YES1: variants seen among roughly 807,000 people sequenced by gnomAD.
YES1 encodes YES proto-oncogene 1, Src family tyrosine kinase.
In YES1, 39 loss-of-function variants were observed where a neutral mutation model predicts 70.4. That is an observed-to-expected ratio of 0.55 (90% confidence interval 0.43 to 0.72). The LOEUF is 0.72. YES1 is among the 30% of genes least tolerant of loss of function. The pLI, the probability that YES1 is intolerant of heterozygous loss-of-function variation, is 0.00. For missense variants in YES1, 495 were observed against 644.8 expected (o/e 0.77, Z 2.52); for synonymous variants, 198 against 218.6 (o/e 0.91, Z 0.83).
chr18:766,937 A>G (rs1008243653), intron 1 of YES1, among the ~76,000 whole-genome samples: 3 of 152,206 alleles, frequency 2.0e-5, no homozygotes, highest in South Asian at 2.1e-4. Context: ...TTGCATTTCC[A>G]TAACAGTATC....
At chr18:738,904 A>G (rs929570756) in intron 9 of YES1, 1 of 151,290 alleles carries the variant, frequency 6.6e-6, no homozygotes, top group East Asian at 2.0e-4. Context: ...GCTCACTCCA[A>G]CCTCCGCCTC....
intron 8 of YES1, among the ~76,000 whole-genome samples, 155 bp from the exon 9 acceptor site, chr18:739,966 G>C (rs7343014): frequency 1.3e-5 from 2 of 151,898 alleles, no homozygotes. Context: ...TAATTATCTA[G>C]GTCCTAGAAG....
At chr18:752,392 G>A (rs1295558680) in intron 2 of YES1, among the ~76,000 whole-genome samples, 3 of 152,118 alleles carry the variant, frequency 2.0e-5, no homozygotes, top group Admixed American at 2.0e-4. Context: ...TTACAGACGT[G>A]AGCCACTGTG....
chr18:800,519 A>C (rs1002610623), intron 1 of YES1, among the ~76,000 whole-genome samples: 3 of 152,254 alleles, frequency 2.0e-5, no homozygotes, highest in Non-Finnish European at 4.4e-5. Context: ...TGCTACAAAA[A>C]TTAAGCTAGT....
At chr18:764,959 C>T (rs1042380795) in intron 1 of YES1, among the ~76,000 whole-genome samples, 1 of 151,830 alleles carries the variant, frequency 6.6e-6, no homozygotes. Context: ...TAGTCTCAAA[C>T]TCCTGACCTT....
chr18:724,776 A>C (rs2079998467), intron 11 of YES1, 144 bp from the exon 12 acceptor site: 1 of 639,578 alleles, frequency 1.6e-6, no homozygotes, highest in Non-Finnish European at 2.6e-6. Context: ...TAAATTTTAA[A>C]CATGAGAATA....
chr18:739,259 C>CA (rs2145696797), intron 9 of YES1: 1 of 152,394 alleles, frequency 6.6e-6, no homozygotes, highest in East Asian at 1.9e-4. Flanking sequence ...TTTGATACTT[C>CA]ATTAATCTGT....
intron 1 of YES1, among the ~76,000 whole-genome samples, chr18:775,600 C>G (rs1056133990): frequency 2.6e-5 from 4 of 152,078 alleles, no homozygotes; most frequent in African/African-American, 9.7e-5. Flanking sequence ...AGTTTGAGAC[C>G]ACCCTGAGCA....
At chr18:772,475 C>T (rs1905203473) in intron 1 of YES1, among the ~76,000 whole-genome samples, 1 of 151,890 alleles carries the variant, frequency 6.6e-6, no homozygotes, top group African/African-American at 2.4e-5. Context: ...TCTTGTCACC[C>T]AGGCTAGAGT....
chr18:756,486 C>A, intron 2 of YES1, 71 bp downstream of exon 2: 1 of 1,537,236 alleles, frequency 6.5e-7, no homozygotes, highest in South Asian at 1.2e-5. Context: ...TAAAGGCAGA[C>A]AAGCCTTAAG....
chr18:775,134 C>A (rs1224432537), intron 1 of YES1: 2 of 152,000 alleles, frequency 1.3e-5, no homozygotes, highest in Admixed American at 1.3e-4. Context: ...AAAAGTAAAC[C>A]TCATAGAGTT....
intron 1 of YES1, among the ~76,000 whole-genome samples, chr18:807,482 G>C (rs578164099): frequency 4.3e-4 from 65 of 152,334 alleles, no homozygotes; most frequent in African/African-American, 1.5e-3. Flanking sequence ...CTGGGCAACA[G>C]AGCAAGATCC....
At position 743,292 on chromosome 18, in the gene YES1, A is replaced by C; in HGVS notation, c.848T>G (p.Leu283Arg). ...PRESLRLEVK[L>R]GQGCFGEVWM... The stretch of plus-strand genomic sequence containing the variant: ...CACTTCGCCGAAACATCCTTGTCCT[A>C]GTTTAACCTCTAGTCGCAAAGATTC... Residue 283 changes from leucine to arginine, a missense_variant, in exon 7 of 12, where the codon CTA becomes CGA. Physicochemically the swap from Leu to Arg is moderately radical, Grantham distance 102. Transcript: ENST00000314574. 6.2e-7 allele frequency: 1 copy of C among 1,612,208 alleles called. No individual in the cohort carries two copies. The highest frequency in any genetic ancestry group is 8.5e-7 in the Non-Finnish European group (1 of 1,179,978).
chr18:733,474 C>T (rs9635864), intron 10 of YES1, among the ~76,000 whole-genome samples: 18,181 of 152,090 alleles, frequency 0.12, 1,223 homozygotes, highest in East Asian at 0.27. Flanking sequence ...ATGCTAATCA[C>T]TATGGAAACC....
intron 3 of YES1, among the ~76,000 whole-genome samples, chr18:750,880 G>C: frequency 6.6e-6 from 1 of 152,174 alleles, no homozygotes; most frequent in East Asian, 1.9e-4. Flanking sequence ...AAGCATGAGA[G>C]TATAAGAAAC....
intron 6 of YES1, among the ~76,000 whole-genome samples, chr18:744,363 A>T (rs2080252538): frequency 6.6e-6 from 1 of 151,088 alleles, no homozygotes; most frequent in Admixed American, 6.7e-5. Context: ...TCAAGGAAAA[A>T]GTTCATTTAG....
In YES1 at chr18:732,847, T is replaced by A. The variant is rs1266843175; in HGVS notation, c.1410A>T (p.Arg470=). 2 of 1,614,220 alleles carry A rather than the reference T, an allele frequency of 1.2e-6. No individual in the cohort carries two copies. The highest frequency in any genetic ancestry group is 4.5e-5 in the East Asian group (2 of 44,888). The part of the protein sequence containing the change: ...ILQTELVTKG[R]VPYPGMVNRE... ...ATGCAAGCTTACCTGGATATGGCAC[T>A]CGGCCCTTTGTTACTAGTTCTGTTT... The change falls in exon 11 of 12, where the codon CGA becomes CGT. Residue 470 remains arginine (R), a synonymous_variant. Coordinates refer to ENST00000314574, the MANE Select transcript of YES1 (RefSeq NM_005433.4).
intron 1 of YES1, among the ~76,000 whole-genome samples, chr18:762,434 C>T (rs1197402305): frequency 6.6e-6 from 1 of 152,132 alleles, no homozygotes; most frequent in Admixed American, 6.6e-5. Context: ...CCAAACCCCA[C>T]AACACACAAT....
intron 2 of YES1, among the ~76,000 whole-genome samples, chr18:752,850 G>A (rs527390066): frequency 1.3e-5 from 2 of 152,152 alleles, no homozygotes; most frequent in Non-Finnish European, 2.9e-5. Context: ...GGTTGAGACA[G>A]GAGAATCGCT....
Sources: allele counts gnomAD v4.1 joint callset (sites outside exome capture counted in the v4.1 genomes callset), GRCh38; gene constraint gnomAD v4.1.1; transcripts MANE v1.5; gene names NCBI Gene and HGNC (gene_info 2026-07-23, HGNC 2026-07-21).